Variants in KMT2E observed in about 807,000 individuals in gnomAD.
The protein encoded by KMT2E is lysine methyltransferase 2E (inactive).
Under a neutral mutation model 184.6 loss-of-function variants are expected in KMT2E, and 30 were observed. The observed-to-expected ratio is 0.16, with a 90% CI of 0.12 to 0.22. The LOEUF is 0.22. KMT2E is among the 10% of genes least tolerant of loss of function. The pLI is 1.00. For missense variants in KMT2E, 2,023 were observed against 2,237.4 expected (o/e 0.90, Z 1.93); for synonymous variants, 815 against 776.5 (o/e 1.05, Z -0.82).
At chr7:105,076,932 C>G in intron 9 of KMT2E, 31 bp from the exon 10 acceptor site, 1 of 1,158,260 alleles carries the variant, frequency 8.6e-7, no homozygotes, top group Non-Finnish European at 1.3e-6. Context: ...GTCCGTAAGT[C>G]CAGATACTAA....
chr7:105,108,785 T>C (rs1799026397), intron 22 of KMT2E, 157 bp from the exon 23 acceptor site: 1 of 634,518 alleles, frequency 1.6e-6, no homozygotes, highest in Non-Finnish European at 2.7e-6. Context: ...TGGAATATAG[T>C]AGGCATTTGG....
intron 3 of KMT2E, among the ~76,000 whole-genome samples, chr7:105,050,626 CTTT>C (rs1417082512): frequency 7.1e-6 from 1 of 140,874 alleles, no homozygotes; most frequent in Non-Finnish European, 1.6e-5. Context: ...TTTTCCTTTT[CTTT>C]TCTTTTCTCT....
chr7:105,016,902 T>C (rs1794737552), intron 1 of KMT2E, among the ~76,000 whole-genome samples: 1 of 152,232 alleles, frequency 6.6e-6, no homozygotes, highest in Admixed American at 6.5e-5. Flanking sequence ...ATTTTCTACA[T>C]ACCAGTGAGC....
chr7:105,080,928 G>A (rs539944985), intron 12 of KMT2E, among the ~76,000 whole-genome samples: 2 of 152,246 alleles, frequency 1.3e-5, no homozygotes, highest in African/African-American at 4.8e-5. Flanking sequence ...ACTTGAATCT[G>A]AGAGGTTGGG....
chr7:105,099,608 T>C (rs1003939695), intron 15 of KMT2E, among the ~76,000 whole-genome samples: 9 of 152,206 alleles, frequency 5.9e-5, no homozygotes, highest in African/African-American at 2.2e-4. Flanking sequence ...TCAGACTCTG[T>C]TGGCATAAAT....
At chr7:105,030,828 C>G (rs1795379583) in intron 1 of KMT2E, among the ~76,000 whole-genome samples, 1 of 152,114 alleles carries the variant, frequency 6.6e-6, no homozygotes, top group Non-Finnish European at 1.5e-5. Flanking sequence ...GGGAAAGAAA[C>G]TACTTAGGGA....
chr7:105,113,256 C>T lies in KMT2E; in HGVS notation c.5500C>T (p.Pro1834Ser). The T allele has an allele frequency of 6.2e-7, 1 of 1,614,202 alleles. No homozygotes were observed. The highest frequency in any genetic ancestry group is 1.1e-5 in the South Asian group (1 of 91,086). The change falls in exon 27 of 27, where the codon CCT becomes TCT. Residue 1834 changes from proline (P) to serine (S), a missense_variant. Physicochemically the swap from Pro to Ser is moderately conservative, Grantham distance 74 (BLOSUM62 -1). Coordinates refer to ENST00000311117, the MANE Select transcript of KMT2E (RefSeq NM_182931.3). Reference protein sequence around the residue: ...VQGPQQASPVPGQIPIHRAQV... With the variant: ...VQGPQQASPVSGQIPIHRAQV... ...AGGACCTCAGCAGGCATCTCCAGTGCCTGGACAGATTCCAATTCACAGAGC... is the reference window on the plus strand; with the variant it reads ...AGGACCTCAGCAGGCATCTCCAGTGTCTGGACAGATTCCAATTCACAGAGC...
chr7:105,106,320 G>C (rs1798896362), intron 19 of KMT2E, among the ~76,000 whole-genome samples: 1 of 152,130 alleles, frequency 6.6e-6, no homozygotes, highest in Non-Finnish European at 1.5e-5. Flanking sequence ...ATCCCTCCAG[G>C]CAAGGTAATG....
intron 1 of KMT2E, among the ~76,000 whole-genome samples, chr7:105,026,606 G>A (rs1041937722): frequency 4.6e-5 from 7 of 152,120 alleles, no homozygotes; most frequent in Non-Finnish European, 8.8e-5. Context: ...TGTAATTGGT[G>A]TACAGTAACC....
chr7:105,076,685 G>A (rs1358738967), intron 9 of KMT2E, among the ~76,000 whole-genome samples: 4 of 152,126 alleles, frequency 2.6e-5, no homozygotes, highest in Admixed American at 6.5e-5. Flanking sequence ...TGTTACTATA[G>A]TTTTCTGGCT....
At chr7:105,101,298 C>G (rs1798646582) in intron 15 of KMT2E, 127 bp from the exon 16 acceptor site, 3 of 573,788 alleles carry the variant, frequency 5.2e-6, no homozygotes, top group Non-Finnish European at 8.4e-6. Flanking sequence ...CCATATCCAC[C>G]AATAATAGAA....
chr7:105,068,042 T>C (rs1000679284), intron 6 of KMT2E, among the ~76,000 whole-genome samples: 3 of 152,204 alleles, frequency 2.0e-5, no homozygotes, highest in East Asian at 3.8e-4. Flanking sequence ...GCCATTGTTA[T>C]GATATTGATT....
chr7:105,066,955 G>C, intron 6 of KMT2E, 148 bp downstream of exon 6: 1 of 583,092 alleles, frequency 1.7e-6, no homozygotes, highest in Non-Finnish European at 3.1e-6. Context: ...TACTTGGGAG[G>C]CTGAGGCAGG....
At position 105,106,151 on chromosome 7, in the gene KMT2E, T is replaced by G. The variant is rs1584803279; in HGVS notation, c.2596+148T>G. Reference sequence around the variant, plus strand: ...TTTTCTCTTTTCTGTCCTCTGTATTTTTTGGCTGAAGATACCAGTTCACAA... The same window carrying G: ...TTTTCTCTTTTCTGTCCTCTGTATTGTTTGGCTGAAGATACCAGTTCACAA... On this transcript the variant is annotated intron_variant, in intron 19 of 26. Transcript: ENST00000311117. 4 of 866,050 alleles carry G rather than the reference T, an allele frequency of 4.6e-6. No homozygotes were observed. The East Asian group carries it at 8.0e-5, about 17-fold the overall frequency. 53.6% of individuals were successfully genotyped at this position (866,050 alleles called of 1,614,324 possible).
At chr7:105,042,878 T>G (rs915104120) in intron 3 of KMT2E, among the ~76,000 whole-genome samples, 4 of 152,216 alleles carry the variant, frequency 2.6e-5, no homozygotes, top group South Asian at 2.1e-4. Flanking sequence ...ATATAACAAT[T>G]AGTATAACCT....
At chr7:105,102,261 TA>T in intron 17 of KMT2E, 67 bp downstream of exon 17, 1 of 1,405,486 alleles carries the variant, frequency 7.1e-7, no homozygotes, top group Non-Finnish European at 9.5e-7. Context: ...ATTGTTGTTT[TA>T]AAAATTGGAT....
intron 1 of KMT2E, among the ~76,000 whole-genome samples, chr7:105,036,248 C>A (rs1053386937): frequency 6.7e-6 from 1 of 150,300 alleles, no homozygotes; most frequent in African/African-American, 2.5e-5. Flanking sequence ...TCTTGGCTCA[C>A]TGCAACCTCT....
intron 13 of KMT2E, among the ~76,000 whole-genome samples, chr7:105,086,012 TG>T (rs1797949034): frequency 6.6e-6 from 1 of 152,242 alleles, no homozygotes; most frequent in African/African-American, 2.4e-5. Context: ...TGTCTGTATT[TG>T]TTGGCAAATA....
chr7:105,067,066 T>TAAAAAAA (rs11457088), intron 6 of KMT2E, among the ~76,000 whole-genome samples: 20 of 115,362 alleles, frequency 1.7e-4, no homozygotes, highest in East Asian at 2.4e-4. Context: ...CTTTTTTTTT[T>TAAAAAAA]AAAAAAAAAA....
Sources: allele counts gnomAD v4.1 joint callset (sites outside exome capture counted in the v4.1 genomes callset), GRCh38; gene constraint gnomAD v4.1.1; transcripts MANE v1.5; gene names NCBI Gene and HGNC (gene_info 2026-07-23, HGNC 2026-07-21).